Variants in PHLDB1 observed in about 807,000 individuals in gnomAD.
PHLDB1 encodes the protein pleckstrin homology-like domain family B member 1.
In PHLDB1, 65 loss-of-function variants were observed where a neutral mutation model predicts 139.3. The observed-to-expected ratio is 0.47, with a 90% CI of 0.38 to 0.57. PHLDB1 has a LOEUF of 0.57. PHLDB1 is among the 20% of genes least tolerant of loss of function. The probability of loss-of-function intolerance (pLI) is 0.00; values close to 1 mark genes in which losing one functional copy is unlikely to be tolerated. For synonymous variants in PHLDB1, 679 were observed against 734.5 expected (o/e 0.92, Z 1.22); for missense variants, 1,624 against 1,839.7 (o/e 0.88, Z 2.14).
chr11:118,638,599 G>A (rs1946025619), intron 10 of PHLDB1, among the ~76,000 whole-genome samples: 1 of 152,134 alleles, frequency 6.6e-6, no homozygotes, highest in African/African-American at 2.4e-5. Context: ...GAGGCAGATG[G>A]AGTGTCTCTA....
intron 5 of PHLDB1, among the ~76,000 whole-genome samples, chr11:118,625,902 G>C (rs986213709): frequency 6.6e-6 from 1 of 152,038 alleles, no homozygotes; most frequent in Non-Finnish European, 1.5e-5. Flanking sequence ...CCCTACCCTC[G>C]ATCTTTTCCA....
intron 17 of PHLDB1, chr11:118,646,929 G>A (rs1174506846): frequency 6.6e-6 from 1 of 152,178 alleles, no homozygotes; most frequent in Non-Finnish European, 1.5e-5. Flanking sequence ...TGGCAAATGT[G>A]GGGAAAGGAG....
chr11:118,644,078 C>G lies in PHLDB1; in HGVS notation c.3025C>G (p.Leu1009Val). The G allele has an allele frequency of 6.2e-7, 1 of 1,613,822 alleles. No individual in the cohort carries two copies. Among genetic ancestry groups the G allele is most frequent in the Non-Finnish European group, 8.5e-7 (1 of 1,179,822 alleles). The change falls in exon 15 of 23, where the codon CTA (leucine) becomes GTA (valine). Residue 1009 changes from leucine (L) to valine (V), a missense_variant. Physicochemically the swap from Leu to Val is conservative, Grantham distance 32. Transcript: ENST00000600882. ...ACTCTCCATTCCTCTGCAGAGCGCT[C>G]TACTCACCCAGAATGGCACGGGCAG... The part of the protein sequence containing the change: ...LGRSPSPKSA[L>V]LTQNGTGSLP...
In PHLDB1 at chr11:118,650,184, C is replaced by T. The variant is rs1948148119; in HGVS notation, c.3762C>T (p.Leu1254=). ...TTGATACCTGCCTGCACGTGGTGCTCAGCAGCAAGGTACAAGGCGTGTGTG... is the reference window on the plus strand; with the variant it reads ...TTGATACCTGCCTGCACGTGGTGCTTAGCAGCAAGGTACAAGGCGTGTGTG... ...HGVDTCLHVV[L]SSKVCRGYLV... is the part of the protein sequence containing the mutation. Residue 1254 remains leucine (L), a synonymous_variant, in exon 19 of 23, where the codon CTC becomes CTT. Coordinates refer to ENST00000600882, the MANE Select transcript of PHLDB1 (RefSeq NM_001144758.3). The surrounding 1 kb of genome is among the most constrained non-coding windows in gnomAD (Gnocchi z 4.7). 1 of 1,611,150 alleles carries T rather than the reference C, an allele frequency of 6.2e-7. No homozygotes were observed. The highest frequency in any genetic ancestry group is 8.5e-7 in the Non-Finnish European group (1 of 1,177,448).
chr11:118,628,142 C>A lies in PHLDB1; in HGVS notation c.1319C>A (p.Pro440His). ...SDGLATRTLQ[P>H]PESPRLGRRG... is the part of the protein sequence containing the mutation. Reference sequence around the variant, plus strand: ...GGGTTAGCCACCCGTACCCTGCAGCCTCCTGAGAGTCCCCGCCTGGGCCGG... The same window carrying A: ...GGGTTAGCCACCCGTACCCTGCAGCATCCTGAGAGTCCCCGCCTGGGCCGG... Residue 440 changes from proline (P) to histidine (H), a missense_variant, in exon 6 of 23, where the codon CCT becomes CAT. Physicochemically the swap from Pro to His is moderately conservative, Grantham distance 77. Transcript: ENST00000600882. 2.5e-6 allele frequency: 4 copies of A among 1,614,116 alleles called. No individual in the cohort carries two copies. The highest frequency in any genetic ancestry group is 3.4e-6 in the Non-Finnish European group (4 of 1,180,020).
At chr11:118,623,425 C>A (rs535619667) in intron 4 of PHLDB1, among the ~76,000 whole-genome samples, 2 of 152,334 alleles carry the variant, frequency 1.3e-5, no homozygotes, top group African/African-American at 2.4e-5. Flanking sequence ...TCCAGGTGCC[C>A]CTGGCTACAT....
In PHLDB1 at chr11:118,632,637, G is replaced by T. The variant is rs2136276604; in HGVS notation, c.2379+341G>T. The T allele has an allele frequency of 3.9e-6, 1 of 259,438 alleles. No homozygotes were observed. Among genetic ancestry groups the T allele is most frequent in the East Asian group, 7.8e-5 (1 of 12,788 alleles). 16.1% of individuals were successfully genotyped at this position (259,438 alleles called of 1,614,324 possible). On this transcript the variant is annotated intron_variant, in intron 9 of 22. Coordinates refer to ENST00000600882, the MANE Select transcript of PHLDB1 (RefSeq NM_001144758.3). This position sits in a 1 kb window ranked among gnomAD's most constrained non-coding sequence, Gnocchi z 5.9. Reference sequence around the variant, plus strand: ...GCCCAAGGGACTGACATTGGGGAGTGATTCAAGTTCGGGTCCCACCATCTG... The same window carrying T: ...GCCCAAGGGACTGACATTGGGGAGTTATTCAAGTTCGGGTCCCACCATCTG...
chr11:118,609,314 TTACACACACAGCCCAGCTCA>T (rs782780263), intron 1 of PHLDB1, among the ~76,000 whole-genome samples: 4,016 of 61,460 alleles, frequency 0.065, 90 homozygotes, highest in Middle Eastern at 0.12. Context: ...ACAGCCCAGC[TTACACACACAGCCCAGCTCA>T]CACACACAGC....
chr11:118,646,036 G>A (rs1389970974), intron 17 of PHLDB1, among the ~76,000 whole-genome samples: 1 of 152,100 alleles, frequency 6.6e-6, no homozygotes, highest in African/African-American at 2.4e-5. Flanking sequence ...CGAGGCAGGC[G>A]GATCACGAGG....
chr11:118,642,535 T>C, intron 13 of PHLDB1, 141 bp downstream of exon 13: 1 of 986,132 alleles, frequency 1.0e-6, no homozygotes, highest in East Asian at 2.5e-5. Flanking sequence ...CTCTGGGCCC[T>C]GAGAGGGTCA....
At chr11:118,655,562 G>A (rs1474058471) in intron 20 of PHLDB1, 43 bp from the exon 21 acceptor site, 3 of 1,256,686 alleles carry the variant, frequency 2.4e-6, no homozygotes, top group Non-Finnish European at 3.5e-6. Flanking sequence ...AGCTAGACCT[G>A]AAGTGTGACC....
intron 12 of PHLDB1, chr11:118,640,560 G>A (rs540133343): frequency 2.0e-5 from 3 of 152,454 alleles, no homozygotes; most frequent in African/African-American, 4.8e-5. Context: ...TCTTGCTAAG[G>A]CCTCTTTCTC....
At position 118,628,370 on chromosome 11, in the gene PHLDB1, C is replaced by A. The variant is rs576335763; in HGVS notation, c.1547C>A (p.Thr516Lys). ...ACGCTGGGGGCACGGGGCCGTAGGA[C>A]ACGGAGCCCCTCACCCACACTGGGT... ...SLTLGARGRR[T>K]RSPSPTLGES... Residue 516 changes from threonine (T) to lysine (K), a missense_variant, in exon 6 of 23, where the codon ACA (threonine) becomes AAA (lysine). Thr to Lys is a moderately conservative substitution (Grantham distance 78). Transcript: ENST00000600882. The A allele has an allele frequency of 6.2e-7, 1 of 1,611,256 alleles. No homozygotes were observed.
At chr11:118,639,559 C>A in intron 12 of PHLDB1, 1 of 468,264 alleles carries the variant, frequency 2.1e-6, no homozygotes, top group Non-Finnish European at 3.9e-6. Flanking sequence ...TGGTAGGGGC[C>A]GGGCTGGATG....
chr11:118,655,573 G>T, intron 20 of PHLDB1, 32 bp from the exon 21 acceptor site: 1 of 1,415,896 alleles, frequency 7.1e-7, no homozygotes, highest in Non-Finnish European at 1.0e-6. Flanking sequence ...AAGTGTGACC[G>T]GCTCCATAGC....
rs1555126197 is a variant in PHLDB1 at position 118,645,375 on chromosome 11, G to C, written c.3141G>C (p.Glu1047Asp). ...CTTCAGGACAACAAGTGATTGAAGAGCAGCGGCGGCGACTGGCTGAGCTGA... is the reference window on the plus strand; with the variant it reads ...CTTCAGGACAACAAGTGATTGAAGACCAGCGGCGGCGACTGGCTGAGCTGA... ...LQQKGQQVIE[E>D]QRRRLAELKQ... Residue 1047 changes from glutamate (E) to aspartate (D), a missense_variant, in exon 16 of 23, where the codon GAG becomes GAC. Physicochemically the swap from Glu to Asp is conservative, Grantham distance 45 (BLOSUM62 2). Transcript: ENST00000600882. This position sits in a 1 kb window ranked among gnomAD's most constrained non-coding sequence, Gnocchi z 5.1. 2.0e-6 allele frequency: 3 copies of C among 1,519,820 alleles called. No individual in the cohort carries two copies. Among genetic ancestry groups the C allele is most frequent in the Non-Finnish European group, 2.6e-6 (3 of 1,133,996 alleles). 94.1% of individuals were successfully genotyped at this position (1,519,820 alleles called of 1,614,324 possible). A position where few individuals can be genotyped will look rare whatever the true frequency, so the allele number is the denominator to read the frequency against.
At chr11:118,651,894 A>C (rs554996334) in intron 20 of PHLDB1, 1 of 152,248 alleles carries the variant, frequency 6.6e-6, no homozygotes, top group East Asian at 1.9e-4. Context: ...GCTGTGCATC[A>C]GCGTTGTCTT....
At chr11:118,638,864 C>T (rs1361518595) in intron 10 of PHLDB1, 27 bp from the exon 11 acceptor site, 3 of 1,557,088 alleles carry the variant, frequency 1.9e-6, no homozygotes, top group Non-Finnish European at 1.8e-6. Context: ...CTCCCCAGGG[C>T]CTGATCAACC....
chr11:118,641,512 C>A, intron 12 of PHLDB1: 1 of 635,520 alleles, frequency 1.6e-6, no homozygotes, highest in Non-Finnish European at 2.2e-6. Context: ...AGGCTCTGTA[C>A]TTTCTGCCCT....
Sources: allele counts gnomAD v4.1 joint callset (sites outside exome capture counted in the v4.1 genomes callset), GRCh38; gene constraint gnomAD v4.1.1; non-coding constraint Gnocchi (gnomAD v3.1); transcripts MANE v1.5; gene names NCBI Gene and HGNC (gene_info 2026-07-23, HGNC 2026-07-21).